The following SPOCK1 variants were observed in gnomAD, a reference collection of about 807,000 sequenced individuals.
The protein encoded by SPOCK1 is SPARC (osteonectin), cwcv and kazal like domains proteoglycan 1.
SPOCK1 carries 23 observed loss-of-function variants against 55.3 expected under a neutral mutation model. That is an observed-to-expected ratio of 0.42 (90% CI 0.30 to 0.59). The LOEUF (loss-of-function observed/expected upper bound fraction) is 0.59. Among genes scored for constraint, SPOCK1 ranks in the 20% least tolerant of loss-of-function variants. SPOCK1 has a pLI of 0.22. For missense variants in SPOCK1, 499 were observed against 552.5 expected (o/e 0.90, Z 0.97); for synonymous variants, 226 against 221.0 (o/e 1.02, Z -0.20).
intron 2 of SPOCK1, among the ~76,000 whole-genome samples, chr5:137,398,478 T>G (rs1219379908): frequency 6.6e-6 from 1 of 152,276 alleles, no homozygotes; most frequent in South Asian, 2.1e-4. Flanking sequence ...CACGAAAATA[T>G]AGTAACAAGT....
chr5:137,157,480 G>A (rs1754439361), intron 3 of SPOCK1, among the ~76,000 whole-genome samples: 1 of 152,114 alleles, frequency 6.6e-6, no homozygotes, highest in South Asian at 2.1e-4. Flanking sequence ...TCAGTCTTAA[G>A]TGTGCCGTCT....
chr5:137,065,120 A>G (rs1377726585), intron 6 of SPOCK1, among the ~76,000 whole-genome samples: 1 of 149,140 alleles, frequency 6.7e-6, no homozygotes, highest in African/African-American at 2.5e-5. Context: ...CCCAGCTACT[A>G]GGGAGGATGA....
chr5:137,321,094 A>G (rs1757974691), intron 2 of SPOCK1, among the ~76,000 whole-genome samples: 2 of 152,136 alleles, frequency 1.3e-5, no homozygotes, highest in Admixed American at 1.3e-4. Context: ...TGAGTTGGAA[A>G]TTTCACTAGA....
intron 2 of SPOCK1, among the ~76,000 whole-genome samples, chr5:137,291,810 C>A (rs114270296): frequency 2.0e-5 from 3 of 152,182 alleles, no homozygotes; most frequent in Admixed American, 6.5e-5. Context: ...GACCACACCC[C>A]CAGCCAGGCT....
Position 137,246,505 on chromosome 5 carries a change from A to G in SPOCK1, c.232+20505T>C, listed in dbSNP as rs557008024. On this transcript the variant is annotated intron_variant, in intron 3 of 10. Coordinates refer to ENST00000394945, the MANE Select transcript of SPOCK1 (RefSeq NM_004598.4). ...CACTTATTACATTGGCTTTTCCCAAATTAAACATCCTCATTTCAACTTTCC... is the reference window on the plus strand; with the variant it reads ...CACTTATTACATTGGCTTTTCCCAAGTTAAACATCCTCATTTCAACTTTCC... Among the ~76,000 whole-genome samples, 28 of 152,336 alleles carry G rather than the reference A, an allele frequency of 1.8e-4. No individual in the cohort carries two copies. In the South Asian group the frequency reaches 5.4e-3, roughly 29 times the overall value.
chr5:137,132,021 A>ATATATATATATATATATAT (rs1561621235), intron 4 of SPOCK1, among the ~76,000 whole-genome samples: 6 of 68,500 alleles, frequency 8.8e-5, no homozygotes, highest in African/African-American at 2.9e-4. Context: ...TATATATATA[A>ATATATATATATATATATAT]AAAATTAGCT....
intron 3 of SPOCK1, among the ~76,000 whole-genome samples, chr5:137,166,875 G>A (rs1754656997): frequency 6.6e-6 from 1 of 151,914 alleles, no homozygotes; most frequent in South Asian, 2.1e-4. Flanking sequence ...TTCACTTAAA[G>A]GAAGACAGAA....
intron 3 of SPOCK1, among the ~76,000 whole-genome samples, chr5:137,194,444 C>A (rs1436965272): frequency 6.6e-6 from 1 of 152,148 alleles, no homozygotes; most frequent in Non-Finnish European, 1.5e-5. Flanking sequence ...TGAACTGCAG[C>A]AATTCAGTTT....
chr5:137,236,943 G>T (rs1253773565), intron 3 of SPOCK1, among the ~76,000 whole-genome samples: 2 of 152,174 alleles, frequency 1.3e-5, no homozygotes, highest in Non-Finnish European at 2.9e-5. Context: ...ATACCATTCA[G>T]ATCTAATTAC....
At chr5:137,292,958 T>C (rs1580850554) in intron 2 of SPOCK1, among the ~76,000 whole-genome samples, 1 of 152,130 alleles carries the variant, frequency 6.6e-6, no homozygotes, top group Non-Finnish European at 1.5e-5. Flanking sequence ...TTTAATCTTG[T>C]TTATCTTCTT....
chr5:137,049,277 C>A (rs1015081729), intron 6 of SPOCK1, among the ~76,000 whole-genome samples: 3 of 123,942 alleles, frequency 2.4e-5, no homozygotes, highest in African/African-American at 9.1e-5. Context: ...TTCAGGTACA[C>A]CAGTCAGACG....
intron 4 of SPOCK1, among the ~76,000 whole-genome samples, chr5:137,116,859 ATG>A (rs1171861855): frequency 3.3e-5 from 5 of 151,964 alleles, no homozygotes; most frequent in African/African-American, 1.2e-4. Flanking sequence ...ATGTGCCATC[ATG>A]TGGGTTTTCC....
At chr5:137,454,406 C>T (rs949729490) in intron 2 of SPOCK1, among the ~76,000 whole-genome samples, 1 of 152,164 alleles carries the variant, frequency 6.6e-6, no homozygotes, top group Non-Finnish European at 1.5e-5. Context: ...GGCTCAATAA[C>T]ATTCACATGA....
Position 137,498,526 on chromosome 5 carries a change from G to C in SPOCK1, c.33C>G (p.Ala11=). Residue 11 remains alanine, a synonymous_variant, in exon 2 of 11, where the codon GCC becomes GCG. Transcript: ENST00000394945. MPAIAVLAAA[A]AAWCFLQVES... Reference sequence around the variant, plus strand: ...CGACTTGGAGGAAGCACCACGCCGCGGCGGCCGCCGCCAACACCGCGATCG... The same window carrying C: ...CGACTTGGAGGAAGCACCACGCCGCCGCGGCCGCCGCCAACACCGCGATCG... 1 of 1,545,872 alleles carries C rather than the reference G, an allele frequency of 6.5e-7. No homozygotes were observed. Among genetic ancestry groups the C allele is most frequent in the Non-Finnish European group, 8.7e-7 (1 of 1,153,160 alleles).
intron 2 of SPOCK1, among the ~76,000 whole-genome samples, chr5:137,450,649 G>C (rs534074969): frequency 1.3e-5 from 2 of 152,222 alleles, no homozygotes; most frequent in East Asian, 3.9e-4. Context: ...AAATTATGTA[G>C]ACAGTCCTTA....
At chr5:137,137,089 A>G (rs1201643087) in intron 4 of SPOCK1, among the ~76,000 whole-genome samples, 1 of 152,220 alleles carries the variant, frequency 6.6e-6, no homozygotes. Flanking sequence ...AAGAAAGCTA[A>G]TGAAATTCTC....
At chr5:137,291,166 A>G (rs1757362474) in intron 2 of SPOCK1, among the ~76,000 whole-genome samples, 1 of 152,108 alleles carries the variant, frequency 6.6e-6, no homozygotes, top group South Asian at 2.1e-4. Flanking sequence ...TAGGAAATCC[A>G]TCCATCTGCC....
At chr5:137,146,221 T>C (rs975362843) in intron 3 of SPOCK1, among the ~76,000 whole-genome samples, 13 of 152,124 alleles carry the variant, frequency 8.5e-5, no homozygotes, top group Non-Finnish European at 2.9e-5. Flanking sequence ...TTAGAACCCC[T>C]TTTCTCCTGC....
chr5:137,066,987 C>CACACACACACACACAGAG (rs1343691789), intron 6 of SPOCK1, among the ~76,000 whole-genome samples: 1 of 139,590 alleles, frequency 7.2e-6, no homozygotes, highest in Non-Finnish European at 1.5e-5. Flanking sequence ...CACACACACA[C>CACACACACACACACAGAG]AGAGAGAGAG....
Sources: gnomAD v4.1 joint callset for allele counts (sites outside exome capture counted in the v4.1 genomes callset) on GRCh38, gnomAD v4.1.1 for gene constraint, MANE v1.5 for transcripts, NCBI Gene and HGNC (gene_info 2026-07-23, HGNC 2026-07-21) for gene names.